The following PIK3C2B variants were observed in gnomAD, a reference collection of about 807,000 sequenced individuals.
PIK3C2B encodes the protein phosphatidylinositol 4-phosphate 3-kinase C2 domain-containing subunit beta.
Under a neutral mutation model 184.3 loss-of-function variants are expected in PIK3C2B, and 83 were observed. The ratio of observed to expected loss-of-function variants is 0.45; its 90% confidence interval spans 0.38 to 0.54. PIK3C2B has a LOEUF of 0.54. PIK3C2B is among the 20% of genes least tolerant of loss of function. The probability of loss-of-function intolerance (pLI) is 0.00; values close to 1 mark genes in which losing one functional copy is unlikely to be tolerated. For synonymous variants in PIK3C2B, 779 were observed against 837.6 expected, an observed-to-expected ratio of 0.93 and a Z score of 1.21; for missense variants, 1,736 against 2,113.5, an observed-to-expected ratio of 0.82 and a Z score of 3.50.
chr1:204,464,659 A>C (rs962548111), intron 3 of PIK3C2B, 55 bp from the exon 4 acceptor site: 41 of 1,549,652 alleles, frequency 2.6e-5, no homozygotes, highest in Non-Finnish European at 3.6e-5. Context: ...GTAGTCAAGA[A>C]GACATCTGTT....
intron 1 of PIK3C2B, 74 bp downstream of exon 1, chr1:204,494,282 A>T (rs1572418805): frequency 6.6e-6 from 1 of 152,230 alleles, no homozygotes; most frequent in Admixed American, 6.5e-5. Context: ...GAGCCCCCTG[A>T]CCTCGGCTGC....
At chr1:204,489,745 T>C (rs996180638) in intron 1 of PIK3C2B, 4 of 394,418 alleles carry the variant, frequency 1.0e-5, no homozygotes, top group African/African-American at 4.1e-5. Context: ...ACGTCAATAG[T>C]TGAAGGGCTC....
At chr1:204,465,181 T>C (rs766912549) in intron 3 of PIK3C2B, 38 bp downstream of exon 3, 9 of 622,318 alleles carry the variant, frequency 1.4e-5, no homozygotes, top group Middle Eastern at 2.7e-4. Context: ...CCATCCCCCA[T>C]AGCCCTCCCA....
chr1:204,477,792 T>A (rs1656830423), intron 1 of PIK3C2B, among the ~76,000 whole-genome samples: 1 of 152,184 alleles, frequency 6.6e-6, no homozygotes, highest in Admixed American at 6.5e-5. Context: ...CCAAAGGGTG[T>A]TGAGTACCAG....
intron 2 of PIK3C2B, among the ~76,000 whole-genome samples, chr1:204,466,166 G>C (rs1015389744): frequency 9.2e-5 from 14 of 152,166 alleles, no homozygotes; most frequent in African/African-American, 3.4e-4. Flanking sequence ...GGGGGAGGGA[G>C]AGCTGGTGCA....
In PIK3C2B at chr1:204,433,495, TA is replaced by T. The variant is rs1675182026; in HGVS notation, c.3844-71del. The T allele has an allele frequency of 9.8e-7, 1 of 1,022,802 alleles. No individual in the cohort carries two copies. Among genetic ancestry groups the T allele is most frequent in the Non-Finnish European group, 1.5e-6 (1 of 653,566 alleles). 63.4% of individuals were successfully genotyped at this position (1,022,802 alleles called of 1,614,324 possible). A position where few individuals can be genotyped will look rare whatever the true frequency, so the allele number is the denominator to read the frequency against. On this transcript the variant is annotated intron_variant, in intron 25 of 32. Transcript: ENST00000684373. The surrounding 1 kb of genome is among the most constrained non-coding windows in gnomAD (Gnocchi z 5.0). ...AGAATTCTTGCTGCTTCTCTACCCT[TA>T]GGCAAGGTTTTCTACAGCTAGGCTC... is the stretch of plus-strand genomic sequence containing the variant.
In PIK3C2B at chr1:204,455,938, C is replaced by T. The variant is rs752841371; in HGVS notation, c.1861G>A (p.Val621Ile). Residue 621 changes from valine to isoleucine, a missense_variant, in exon 11 of 33, where the codon GTC becomes ATC. This residue lies in a region of PIK3C2B where 609 missense variants were observed against 699.2 expected (regional missense o/e 0.87). Transcript: ENST00000684373. ...CTGGCGAAATGGCAGGCCTCCTGGACCAGGTCATGCTTGCGGCTCCCGGGC... is the reference window on the plus strand; with the variant it reads ...CTGGCGAAATGGCAGGCCTCCTGGATCAGGTCATGCTTGCGGCTCCCGGGC... Reference protein sequence around the residue: ...AVPGSRKHDLVQEACHFARSL... With the variant: ...AVPGSRKHDLIQEACHFARSL... 1.2e-6 allele frequency: 2 copies of T among 1,614,178 alleles called. No homozygotes were observed. Among genetic ancestry groups the T allele is most frequent in the African/African-American group, 1.3e-5 (1 of 75,052 alleles).
chr1:204,440,597 C>CTTTT (rs34256181), intron 21 of PIK3C2B, among the ~76,000 whole-genome samples: 7 of 123,548 alleles, frequency 5.7e-5, no homozygotes, highest in African/African-American at 9.4e-5. Flanking sequence ...ACCATCAGGC[C>CTTTT]TTTTTTTTTT....
rs1371730915 is a variant in PIK3C2B at position 204,447,297 on chromosome 1, G to T, written c.2489+139C>A. 2.7e-6 allele frequency: 2 copies of T among 743,634 alleles called. No individual in the cohort carries two copies. The highest frequency in any genetic ancestry group is 4.4e-6 in the Non-Finnish European group (2 of 454,670). 46.1% of individuals were successfully genotyped at this position (743,634 alleles called of 1,614,324 possible). On this transcript the variant is annotated intron_variant, in intron 15 of 32. Coordinates refer to ENST00000684373, the MANE Select transcript of PIK3C2B (RefSeq NM_001377334.1). The surrounding 1 kb of genome is among the most constrained non-coding windows in gnomAD (Gnocchi z 4.1). ...TCCTAGTGTCAGCTGATGGAGAAAGGCCTGGGGGCTGCCTCCACTTCCTGC... is the reference window on the plus strand; with the variant it reads ...TCCTAGTGTCAGCTGATGGAGAAAGTCCTGGGGGCTGCCTCCACTTCCTGC...
At chr1:204,485,417 T>C (rs1343117294) in intron 1 of PIK3C2B, among the ~76,000 whole-genome samples, 1 of 150,264 alleles carries the variant, frequency 6.7e-6, no homozygotes, top group African/African-American at 2.4e-5. Flanking sequence ...AATTATTTTA[T>C]TAGGCACCAA....
chr1:204,434,570 G>A lies in PIK3C2B; in HGVS notation c.3555C>T (p.Cys1185=), dbSNP rs141103589. ...AGATGCCCAAGACGTACGTGGCCAC[G>A]CAGCAGCCAGCGCAGGAGTAGATAA... ...ENFIYSCAGC[C]VATYVLGICD... Residue 1185 remains cysteine (C), a synonymous_variant, in exon 24 of 33, where the codon TGC becomes TGT. Transcript: ENST00000684373. The A allele has an allele frequency of 7.4e-6, 12 of 1,613,906 alleles. No homozygotes were observed. Among genetic ancestry groups the A allele is most frequent in the African/African-American group, 4.0e-5 (3 of 74,924 alleles).
intron 1 of PIK3C2B, among the ~76,000 whole-genome samples, chr1:204,492,131 G>A (rs1022853305): frequency 1.3e-5 from 2 of 152,104 alleles, no homozygotes; most frequent in African/African-American, 4.8e-5. Flanking sequence ...CCTCCCTTAT[G>A]TGGGAGGCTA....
chr1:204,449,234 GC>G lies in PIK3C2B; in HGVS notation c.2296del (p.Ala766ProfsTer85), dbSNP rs1558248787. ...GTGGAAATTAGGTGCACTCCAACGG[GC>G]GCTGGGATTTTCCTGTGTTGCTGGC... ...LWPATQENPS[A>X]RWSAPNFHQP... On this transcript the variant is annotated frameshift_variant, in exon 14 of 33. Coordinates refer to ENST00000684373, the MANE Select transcript of PIK3C2B (RefSeq NM_001377334.1). LOFTEE classifies it high-confidence loss of function. The G allele has an allele frequency of 6.2e-7, 1 of 1,613,172 alleles. No individual in the cohort carries two copies.
Position 204,470,722 on chromosome 1 carries a change from T to A in PIK3C2B, c.-84-836A>T, listed in dbSNP as rs74943731. ...TGAATATCCACAGCAGCTTTATTTG[T>A]AATATCCCAAAATGTCCATCAACAG... On this transcript the variant is annotated intron_variant, in intron 1 of 32. Coordinates refer to ENST00000684373, the MANE Select transcript of PIK3C2B (RefSeq NM_001377334.1). 2.4e-4 allele frequency among the ~76,000 whole-genome samples: 36 copies of A among 152,360 alleles called. 1 individual carries two copies. The East Asian group carries it at 6.9e-3, about 29-fold the overall frequency.
intron 29 of PIK3C2B, 118 bp downstream of exon 29, chr1:204,429,803 A>G: frequency 1.4e-6 from 1 of 701,862 alleles, no homozygotes. Flanking sequence ...TTCAGCCCAC[A>G]GACCCCGAAG....
At chr1:204,475,240 C>G (rs1271027886) in intron 1 of PIK3C2B, among the ~76,000 whole-genome samples, 1 of 152,188 alleles carries the variant, frequency 6.6e-6, no homozygotes, top group Non-Finnish European at 1.5e-5. Context: ...CCTGCTCTCC[C>G]TCTCACCTCC....
chr1:204,456,319 C>G (rs915415566), intron 10 of PIK3C2B: 1 of 332,566 alleles, frequency 3.0e-6, no homozygotes, highest in African/African-American at 2.1e-5. Context: ...AATGTCCTTT[C>G]TTTTAGGAAA....
In PIK3C2B at chr1:204,464,435, C is replaced by G. The variant is rs1186961500; in HGVS notation, c.1189+15G>C. On this transcript the variant is annotated intron_variant, in intron 4 of 32. Coordinates refer to ENST00000684373, the MANE Select transcript of PIK3C2B (RefSeq NM_001377334.1). The stretch of plus-strand genomic sequence containing the variant: ...TCAAGGGATGCTCACATCCTCTCCC[C>G]CCTCACTAACTTACAGTTGCAGGTG... 1.2e-5 allele frequency: 19 copies of G among 1,609,652 alleles called. No individual in the cohort carries two copies. Among genetic ancestry groups the G allele is most frequent in the East Asian group, 2.2e-5 (1 of 44,854 alleles).
chr1:204,488,420 A>G (rs1172290733), intron 1 of PIK3C2B, among the ~76,000 whole-genome samples: 3 of 152,314 alleles, frequency 2.0e-5, no homozygotes, highest in East Asian at 3.9e-4. Flanking sequence ...TTCCCTATCT[A>G]TCAGTATAGA....
Sources: gnomAD v4.1 joint callset for allele counts (sites outside exome capture counted in the v4.1 genomes callset) on GRCh38, gnomAD v4.1.1 for gene constraint, gnomAD v4.1.1 regional missense constraint, Gnocchi (gnomAD v3.1) non-coding constraint, MANE v1.5 for transcripts, NCBI Gene and HGNC (gene_info 2026-07-23, HGNC 2026-07-21) for gene names.